SEPTIN14: variants seen among roughly 807,000 people sequenced by gnomAD.
SEPTIN14 encodes septin 14.
SEPTIN14 carries 40 observed loss-of-function variants against 53.6 expected under a neutral mutation model. That is an observed-to-expected ratio of 0.75 (90% CI 0.58 to 0.97). SEPTIN14 has a LOEUF of 0.97. SEPTIN14 is among the 50% of genes least tolerant of loss of function. SEPTIN14 has a pLI of 0.00. For missense variants in SEPTIN14, 471 were observed against 508.2 expected (o/e 0.93, Z 0.70); for synonymous variants, 138 against 166.8 (o/e 0.83, Z 1.33).
intron 9 of SEPTIN14, among the ~76,000 whole-genome samples, chr7:55,796,898 G>A (rs1788441070): frequency 6.6e-6 from 1 of 152,114 alleles, no homozygotes; most frequent in Admixed American, 6.5e-5. Context: ...GCCGAGGCAG[G>A]CAGATCACAA....
Position 55,846,635 on chromosome 7 carries a change from T to C in SEPTIN14, c.57A>G (p.Gln19=), listed in dbSNP as rs780038192. ...PTQIPADGDT[Q]KENNIRCLTT... Reference sequence around the variant, plus strand: ...TTAAACAACGAATATTATTTTCTTTTTGCTTAAATAAAACAAAAATTTAGA... The same window carrying C: ...TTAAACAACGAATATTATTTTCTTTCTGCTTAAATAAAACAAAAATTTAGA... The change falls in exon 3 of 10, where the codon CAA becomes CAG. Residue 19 remains glutamine (Q), a splice_region_variant and synonymous_variant. Coordinates refer to ENST00000388975, the MANE Select transcript of SEPTIN14 (RefSeq NM_207366.3). 1.4e-6 allele frequency: 2 copies of C among 1,461,478 alleles called. No individual in the cohort carries two copies. The highest frequency in any genetic ancestry group is 4.0e-5 in the Admixed American group (2 of 50,426). 90.5% of individuals were successfully genotyped at this position (1,461,478 alleles called of 1,614,324 possible). A position where few individuals can be genotyped will look rare whatever the true frequency, so the allele number is the denominator to read the frequency against.
At chr7:55,850,163 A>G (rs541170060) in intron 2 of SEPTIN14, among the ~76,000 whole-genome samples, 1 of 152,310 alleles carries the variant, frequency 6.6e-6, no homozygotes, top group East Asian at 1.9e-4. Context: ...ATGAAACCAG[A>G]TATAATGGCA....
chr7:55,804,259 T>G (rs183575933), intron 9 of SEPTIN14, among the ~76,000 whole-genome samples: 61 of 149,378 alleles, frequency 4.1e-4, no homozygotes, highest in Middle Eastern at 3.4e-3. Context: ...AATGGTTTGG[T>G]TTTTTTTGTT....
At chr7:55,815,992 A>G (rs1393384637) in intron 7 of SEPTIN14, among the ~76,000 whole-genome samples, 3 of 152,238 alleles carry the variant, frequency 2.0e-5, no homozygotes, top group Non-Finnish European at 4.4e-5. Flanking sequence ...TGTGGTACAT[A>G]TACATGATGG....
rs933698607 is a variant in SEPTIN14 at position 55,844,563 on chromosome 7, C to T, written c.331G>A (p.Glu111Lys). 2.5e-6 allele frequency: 4 copies of T among 1,604,154 alleles called. No individual in the cohort carries two copies. In the Admixed American group the frequency reaches 6.7e-5, roughly 27 times the overall value. Residue 111 changes from glutamate (E) to lysine (K), a missense_variant, in exon 4 of 10, where the codon GAG (glutamate) becomes AAG (lysine). Transcript: ENST00000388975. ...SNVQLKLTVV[E>K]TVGYGDQIDK... ...ATTTGATCACCATACCCTACTGTCTCCACAACAGTCAATTTCAACTGAACA... is the reference window on the plus strand; with the variant it reads ...ATTTGATCACCATACCCTACTGTCTTCACAACAGTCAATTTCAACTGAACA...
chr7:55,860,248 G>A (rs1789721049), intron 2 of SEPTIN14, among the ~76,000 whole-genome samples: 1 of 151,998 alleles, frequency 6.6e-6, no homozygotes, highest in Non-Finnish European at 1.5e-5. Flanking sequence ...TAACATGGAT[G>A]GAACTAGAGG....
chr7:55,849,111 G>A (rs960388296), intron 2 of SEPTIN14, among the ~76,000 whole-genome samples: 7 of 151,974 alleles, frequency 4.6e-5, no homozygotes, highest in Non-Finnish European at 1.0e-4. Context: ...GATCACTTGA[G>A]GTTAGGAGTT....
intron 2 of SEPTIN14, among the ~76,000 whole-genome samples, chr7:55,852,322 A>C (rs955464441): frequency 6.6e-6 from 1 of 152,312 alleles, no homozygotes; most frequent in Admixed American, 6.5e-5. Context: ...ACAGCATGGT[A>C]CTGGCATGAA....
intron 2 of SEPTIN14, among the ~76,000 whole-genome samples, chr7:55,856,147 C>T (rs1274535658): frequency 1.3e-5 from 2 of 151,888 alleles, no homozygotes; most frequent in Non-Finnish European, 2.9e-5. Context: ...CCCTCACCCC[C>T]TCCCTCCCTC....
Position 55,795,586 on chromosome 7 carries a change from G to A in SEPTIN14, c.*327C>T, listed in dbSNP as rs2115939025. On this transcript the variant is annotated 3_prime_UTR_variant, in exon 10 of 10. Transcript: ENST00000388975. ...GGGTTCAAGTGATTCTCCTGCCTCA[G>A]CCTCCCAAGTGGCTGGGATTACAGG... The A allele has an allele frequency of 3.5e-6, 1 of 285,760 alleles. No homozygotes were observed. Among genetic ancestry groups the A allele is most frequent in the Non-Finnish European group, 6.7e-6 (1 of 150,306 alleles). 17.7% of individuals were successfully genotyped at this position (285,760 alleles called of 1,614,324 possible).
chr7:55,853,896 C>T (rs1037599853), intron 2 of SEPTIN14, among the ~76,000 whole-genome samples: 3 of 152,008 alleles, frequency 2.0e-5, no homozygotes, highest in Non-Finnish European at 4.4e-5. Flanking sequence ...TGGAAGATCG[C>T]GTGAGCTCAG....
intron 5 of SEPTIN14, 130 bp from the exon 6 acceptor site, chr7:55,834,716 C>G: frequency 1.6e-6 from 1 of 617,400 alleles, no homozygotes. Flanking sequence ...GATCTCGGCT[C>G]ACTGCAAGCT....
At chr7:55,802,429 TCAA>T (rs2115954997) in intron 9 of SEPTIN14, among the ~76,000 whole-genome samples, 1 of 152,254 alleles carries the variant, frequency 6.6e-6, no homozygotes, top group Non-Finnish European at 1.5e-5. Context: ...TAGGAAATCC[TCAA>T]CAAAATACTA....
At chr7:55,844,952 G>A (rs377249458) in intron 3 of SEPTIN14, among the ~76,000 whole-genome samples, 15 of 150,994 alleles carry the variant, frequency 9.9e-5, no homozygotes, top group African/African-American at 3.2e-4. Flanking sequence ...GGGAGTACAC[G>A]TGCAGGTTTG....
chr7:55,796,182 C>A, intron 9 of SEPTIN14, 90 bp from the exon 10 acceptor site: 1 of 790,624 alleles, frequency 1.3e-6, no homozygotes, highest in South Asian at 1.5e-5. Context: ...CAAACAAACC[C>A]AAATCATCAC....
In SEPTIN14 at chr7:55,807,152, A is replaced by T; in HGVS notation, c.924T>A (p.Tyr308Ter). 6.2e-7 allele frequency: 1 copy of T among 1,610,114 alleles called. No individual in the cohort carries two copies. Among genetic ancestry groups the T allele is most frequent in the Non-Finnish European group, 8.5e-7 (1 of 1,178,658 alleles). ...CCATTTTCTGCAGTTTTTGGTACCTATAACATTCATAGTGCTGAGTGTGGG... is the reference window on the plus strand; with the variant it reads ...CCATTTTCTGCAGTTTTTGGTACCTTTAACATTCATAGTGCTGAGTGTGGG... ...EKTHTQHYEC[Y>*]RYQKLQKMGF... is the part of the protein sequence containing the mutation. The change falls in exon 8 of 10, where the codon TAT becomes TAA. Residue 308 changes from tyrosine to a stop codon, truncating the protein, a stop_gained. Transcript: ENST00000388975. LOFTEE classifies it high-confidence loss of function.
At chr7:55,830,342 T>C (rs1398604809) in intron 6 of SEPTIN14, among the ~76,000 whole-genome samples, 7 of 44,100 alleles carry the variant, frequency 1.6e-4, no homozygotes, top group Non-Finnish European at 1.1e-4. Context: ...TATATATATA[T>C]ATATATATTT....
Position 55,794,309 on chromosome 7 carries a change from T to A in SEPTIN14, c.*1604A>T, listed in dbSNP as rs1035676791. The A allele has an allele frequency of 6.6e-6, 1 of 152,178 alleles. No individual in the cohort carries two copies. The highest frequency in any genetic ancestry group is 2.4e-5 in the African/African-American group (1 of 41,450). The allele number at this position is 152,178 out of a possible 1,614,324, so 9.4% of individuals were successfully genotyped here. A position where few individuals can be genotyped will look rare whatever the true frequency, so the allele number is the denominator to read the frequency against. On this transcript the variant is annotated 3_prime_UTR_variant, in exon 10 of 10. Transcript: ENST00000388975. ...ATAACATTGGATTAAGATGAAAGAATGAGAAGATAAAGGTCCCTCAGCAAT... is the reference window on the plus strand; with the variant it reads ...ATAACATTGGATTAAGATGAAAGAAAGAGAAGATAAAGGTCCCTCAGCAAT...
intron 8 of SEPTIN14, 147 bp downstream of exon 8, chr7:55,806,939 GATCA>G (rs1244679928): frequency 5.6e-6 from 3 of 534,134 alleles, no homozygotes; most frequent in Non-Finnish European, 9.5e-6. Context: ...TTCGTCAAAA[GATCA>G]TAAAAACACC....
Sources: allele counts gnomAD v4.1 joint callset (sites outside exome capture counted in the v4.1 genomes callset), GRCh38; gene constraint gnomAD v4.1.1; transcripts MANE v1.5; gene names NCBI Gene and HGNC (gene_info 2026-07-23, HGNC 2026-07-21).